The following SMCO4 variants were observed in gnomAD, a reference collection of about 807,000 sequenced individuals.
SMCO4 encodes the protein single-pass membrane protein with coiled-coil domains 4, also known as single-pass membrane and coiled-coil domain-containing protein 4.
A neutral mutation model predicts 3.6 loss-of-function variants in SMCO4; 4 were observed. That is an observed-to-expected ratio of 1.11 (90% CI 0.54 to 2.53). SMCO4 has a LOEUF of 2.53. Among genes scored for constraint, SMCO4 ranks in the 30% most tolerant of loss-of-function variants. The pLI is 0.02. For synonymous variants in SMCO4, 36 were observed against 35.3 expected, an observed-to-expected ratio of 1.02 and a Z score of -0.07; for missense variants, 70 against 80.8, an observed-to-expected ratio of 0.87 and a Z score of 0.51.
chr11:93,503,656 C>A lies in SMCO4; in HGVS notation c.-153-4308G>T, dbSNP rs1425293678. On this transcript the variant is annotated intron_variant, in intron 1 of 2. Transcript: ENST00000298966. Reference sequence around the variant, plus strand: ...ACACACACAAACACACAGACACACACTGTGAAAACTGAGGCAGATATACGA... The same window carrying A: ...ACACACACAAACACACAGACACACAATGTGAAAACTGAGGCAGATATACGA... Among the ~76,000 whole-genome samples, 6 of 152,138 alleles carry A rather than the reference C, an allele frequency of 3.9e-5. No homozygotes were observed. The East Asian group carries it at 1.2e-3, about 29-fold the overall frequency.
chr11:93,496,255 C>T (rs1235149694), intron 2 of SMCO4, among the ~76,000 whole-genome samples: 6 of 151,946 alleles, frequency 3.9e-5, no homozygotes, highest in African/African-American at 7.3e-5. Flanking sequence ...ACTTGGGGGG[C>T]GGATACAGGA....
chr11:93,542,143 G>A (rs186293896), intron 1 of SMCO4, among the ~76,000 whole-genome samples: 1 of 149,010 alleles, frequency 6.7e-6, no homozygotes, highest in East Asian at 1.9e-4. Flanking sequence ...TGAGTCATCT[G>A]CATTGTCAAC....
intron 1 of SMCO4, among the ~76,000 whole-genome samples, chr11:93,534,701 T>C (rs1334489289): frequency 6.6e-6 from 1 of 152,094 alleles, no homozygotes. Context: ...TCTCTGCCCC[T>C]TTGAGCAATA....
chr11:93,501,100 C>T (rs994215235), intron 1 of SMCO4, among the ~76,000 whole-genome samples: 1 of 152,236 alleles, frequency 6.6e-6, no homozygotes, highest in Non-Finnish European at 1.5e-5. Flanking sequence ...CTTTCTCTCA[C>T]TAGGCCTCAG....
At chr11:93,483,525 G>A (rs1017149659) in intron 2 of SMCO4, among the ~76,000 whole-genome samples, 1 of 152,178 alleles carries the variant, frequency 6.6e-6, no homozygotes, top group Non-Finnish European at 1.5e-5. Flanking sequence ...AGGCCTGGGG[G>A]TGGAGGGAGC....
At chr11:93,532,393 C>T (rs116025042) in intron 1 of SMCO4, among the ~76,000 whole-genome samples, 436 of 152,362 alleles carry the variant, frequency 2.9e-3, no homozygotes, top group African/African-American at 0.01. Flanking sequence ...ACATCCTGCC[C>T]CCAAACCCCC....
intron 1 of SMCO4, among the ~76,000 whole-genome samples, chr11:93,506,735 C>T (rs542446321): frequency 6.6e-6 from 1 of 152,304 alleles, no homozygotes; most frequent in Admixed American, 6.5e-5. Context: ...GCCACCACGC[C>T]TGTCCTTAGC....
rs112242665 is a variant in SMCO4, at chr11:93,496,832, G to A, written c.-81+2444C>T. On this transcript the variant is annotated intron_variant, in intron 2 of 2. Coordinates refer to ENST00000298966, the MANE Select transcript of SMCO4 (RefSeq NM_020179.3). ...TGTTTCCTTTGATTACAAGCATCAC[G>A]ATAGGCTTGCAGATTTCTCGATACT... 1.5e-3 allele frequency among the ~76,000 whole-genome samples: 232 copies of A among 152,262 alleles called. 1 individual carries two copies. Among genetic ancestry groups the A allele is most frequent in the African/African-American group, 5.3e-3 (220 of 41,542 alleles).
At chr11:93,552,292 A>G in the SMCO4 span, among the ~76,000 whole-genome samples, 1 of 149,914 alleles carries the variant, frequency 6.7e-6, no homozygotes, top group Non-Finnish European at 1.5e-5. Flanking sequence ...GGCATGCACC[A>G]CCACAGCCAG....
At position 93,535,663 on chromosome 11, in the gene SMCO4, A is replaced by G. The variant is rs553320159; in HGVS notation, c.-154+7613T>C. The G allele has an allele frequency of 8.1e-6, 13 of 1,609,060 alleles. No homozygotes were observed. In the East Asian group the frequency reaches 2.5e-4, roughly 30 times the overall value. The stretch of plus-strand genomic sequence containing the variant: ...GTTAAGAGCTACCGATGGGAAAAAG[A>G]AGATCAGCACAGTGGTGAGCTCCGA... On this transcript the variant is annotated intron_variant, in intron 1 of 2. Transcript: ENST00000298966.
chr11:93,535,462 C>G (rs1023774794), intron 1 of SMCO4: 4 of 1,373,118 alleles, frequency 2.9e-6, no homozygotes, highest in Non-Finnish European at 4.1e-6. Flanking sequence ...GAGCCAGAGT[C>G]GCCGCGATGG....
At chr11:93,520,310 C>A (rs897141799) in intron 1 of SMCO4, among the ~76,000 whole-genome samples, 1 of 152,176 alleles carries the variant, frequency 6.6e-6, no homozygotes, top group Non-Finnish European at 1.5e-5. Flanking sequence ...ATAATGATGA[C>A]GGTAACAACT....
chr11:93,509,609 T>C (rs1265596994), intron 1 of SMCO4, among the ~76,000 whole-genome samples: 3 of 152,230 alleles, frequency 2.0e-5, no homozygotes, highest in Non-Finnish European at 4.4e-5. Context: ...AACTGTGCTA[T>C]ACATATACCA....
intron 1 of SMCO4, among the ~76,000 whole-genome samples, chr11:93,535,164 T>C (rs1949207044): frequency 6.6e-6 from 1 of 152,146 alleles, no homozygotes. Context: ...TTTGGAGAAA[T>C]ACTCTGGCAA....
Position 93,535,822 on chromosome 11 carries a change from A to G in SMCO4, c.-154+7454T>C, listed in dbSNP as rs1949219509. Reference sequence around the variant, plus strand: ...AGCAGCAGCAACAGCAGCACAGTAAAGGACATACATTTCCTGCTTTCACCA... The same window carrying G: ...AGCAGCAGCAACAGCAGCACAGTAAGGGACATACATTTCCTGCTTTCACCA... On this transcript the variant is annotated intron_variant, in intron 1 of 2. Transcript: ENST00000298966. 3.1e-6 allele frequency: 5 copies of G among 1,592,302 alleles called. 1 individual carries two copies. The highest frequency in any genetic ancestry group is 1.7e-4 in the Middle Eastern group (1 of 6,014).
At chr11:93,545,408 T>A (rs1949307989), upstream of SMCO4, among the ~76,000 whole-genome samples, 1 of 151,502 alleles carries the variant, frequency 6.6e-6, no homozygotes, top group African/African-American at 2.4e-5. Flanking sequence ...GCCAACACGA[T>A]GAACCCCGTC....
At chr11:93,501,767 C>T (rs765389001) in intron 1 of SMCO4, among the ~76,000 whole-genome samples, 4 of 152,146 alleles carry the variant, frequency 2.6e-5, no homozygotes, top group African/African-American at 7.2e-5. Context: ...TAGCCAACTA[C>T]GGCGGGTTTG....
At chr11:93,535,311 G>GC (rs1949209370) in intron 1 of SMCO4, among the ~76,000 whole-genome samples, 1 of 152,184 alleles carries the variant, frequency 6.6e-6, no homozygotes, top group Non-Finnish European at 1.5e-5. Context: ...CCTGAGCTGA[G>GC]CCATGGTCCT....
chr11:93,501,605 G>A (rs917899190), intron 1 of SMCO4, among the ~76,000 whole-genome samples: 3 of 152,094 alleles, frequency 2.0e-5, no homozygotes, highest in Non-Finnish European at 4.4e-5. Context: ...AAGAATATCT[G>A]TGATGGCACT....
Sources: gnomAD v4.1 joint callset for allele counts (sites outside exome capture counted in the v4.1 genomes callset) on GRCh38, gnomAD v4.1.1 for gene constraint, MANE v1.5 for transcripts, NCBI Gene and HGNC (gene_info 2026-07-23, HGNC 2026-07-21) for gene names.